The following NEGR1 variants were observed in gnomAD, a reference collection of about 807,000 sequenced individuals.
The protein encoded by NEGR1 is neuronal growth regulator 1.
Under a neutral mutation model 40.9 loss-of-function variants are expected in NEGR1, and 10 were observed. The ratio of observed to expected loss-of-function variants is 0.24; its 90% CI spans 0.15 to 0.42. The LOEUF is 0.42. Ranked by LOEUF, NEGR1 falls within the 10% of genes least tolerant of loss-of-function variation. The probability of loss-of-function intolerance (pLI) is 1.00; values close to 1 mark genes in which losing one functional copy is unlikely to be tolerated. For missense variants in NEGR1, 352 were observed against 438.9 expected (o/e 0.80, Z 1.77); for synonymous variants, 185 against 166.8 (o/e 1.11, Z -0.84).
intron 2 of NEGR1, among the ~76,000 whole-genome samples, chr1:71,802,244 G>T (rs1233170370): frequency 6.6e-6 from 1 of 152,072 alleles, no homozygotes; most frequent in Non-Finnish European, 1.5e-5. Context: ...AAGATTTAGA[G>T]AATTATCAGT....
intron 1 of NEGR1, among the ~76,000 whole-genome samples, chr1:72,205,698 G>A (rs1415940921): frequency 3.7e-5 from 5 of 136,936 alleles, no homozygotes; most frequent in South Asian, 4.6e-4. Context: ...GTGTGCGTGA[G>A]TGGATTGAGC....
chr1:71,645,647 G>A (rs887832238), intron 4 of NEGR1, among the ~76,000 whole-genome samples: 2 of 151,782 alleles, frequency 1.3e-5, no homozygotes, highest in African/African-American at 2.4e-5. Context: ...GAAGCTCTTG[G>A]TAAGATTTAA....
At chr1:71,571,610 C>T (rs937573089) in intron 6 of NEGR1, among the ~76,000 whole-genome samples, 9 of 151,776 alleles carry the variant, frequency 5.9e-5, no homozygotes, top group East Asian at 1.9e-4. Flanking sequence ...GGCAACATGG[C>T]GAAACCACGT....
intron 3 of NEGR1, among the ~76,000 whole-genome samples, chr1:71,737,927 G>A (rs902563045): frequency 1.3e-5 from 2 of 152,104 alleles, no homozygotes; most frequent in Non-Finnish European, 2.9e-5. Context: ...AGTCGGTTTA[G>A]GCAACTGTGT....
At chr1:71,757,017 C>G (rs1655768699) in intron 3 of NEGR1, among the ~76,000 whole-genome samples, 2 of 152,010 alleles carry the variant, frequency 1.3e-5, no homozygotes, top group Admixed American at 6.6e-5. Context: ...GAAGATTACA[C>G]TGAAACAGAG....
chr1:72,093,820 A>C (rs1363921257), intron 1 of NEGR1, among the ~76,000 whole-genome samples: 1 of 152,178 alleles, frequency 6.6e-6, no homozygotes, highest in Admixed American at 6.5e-5. Context: ...TTTGCAATAG[A>C]AAAGGTTAGT....
intron 6 of NEGR1, among the ~76,000 whole-genome samples, chr1:71,577,015 A>G (rs1207841391): frequency 6.6e-6 from 1 of 152,222 alleles, no homozygotes; most frequent in Admixed American, 6.5e-5. Context: ...AAGTTGTTTA[A>G]GTCATTGTTA....
At chr1:71,719,788 C>G (rs756260628) in intron 3 of NEGR1, among the ~76,000 whole-genome samples, 2 of 152,060 alleles carry the variant, frequency 1.3e-5, no homozygotes, top group Non-Finnish European at 2.9e-5. Flanking sequence ...GCCCCCACCC[C>G]CTGGCAGGCC....
intron 2 of NEGR1, among the ~76,000 whole-genome samples, chr1:71,803,268 C>T (rs1657626992): frequency 1.3e-5 from 2 of 152,068 alleles, no homozygotes; most frequent in African/African-American, 4.8e-5. Flanking sequence ...AGGACACAAC[C>T]AGAATGTGGC....
intron 2 of NEGR1, among the ~76,000 whole-genome samples, chr1:71,875,317 T>A (rs1660394511): frequency 6.6e-6 from 1 of 152,202 alleles, no homozygotes; most frequent in South Asian, 2.1e-4. Context: ...TTATTTGCTT[T>A]AATTGTGCTG....
chr1:71,774,760 T>C (rs1304747207), intron 3 of NEGR1, among the ~76,000 whole-genome samples: 1 of 152,104 alleles, frequency 6.6e-6, no homozygotes, highest in African/African-American at 2.4e-5. Context: ...TAAAAGTACA[T>C]CTCTGACTCC....
At position 72,134,564 on chromosome 1, in the gene NEGR1, T is replaced by G. The variant is rs113756271; in HGVS notation, c.176+147755A>C. ...CAATATATAACATTGACATTATATA[T>G]ACAATGGCAATTTCATGCCTAAACC... On this transcript the variant is annotated intron_variant, in intron 1 of 6. Coordinates refer to ENST00000357731, the MANE Select transcript of NEGR1 (RefSeq NM_173808.3). Among the ~76,000 whole-genome samples, 844 of 151,796 alleles carry G rather than the reference T, an allele frequency of 5.6e-3. 11 individuals are homozygous for G. The highest frequency in any genetic ancestry group is 0.019 in the African/African-American group (801 of 41,422).
At chr1:71,970,666 C>A (rs1316682136) in intron 1 of NEGR1, among the ~76,000 whole-genome samples, 1 of 151,772 alleles carries the variant, frequency 6.6e-6, no homozygotes, top group African/African-American at 2.4e-5. Context: ...CCACCCTGGG[C>A]AACAGAGCGA....
In NEGR1 at chr1:71,571,810, T is replaced by A. The variant is rs971486759; in HGVS notation, c.940+21007A>T. 3.0e-4 allele frequency among the ~76,000 whole-genome samples: 32 copies of A among 106,298 alleles called. No homozygotes were observed. In the East Asian group the frequency reaches 5.9e-3, roughly 20 times the overall value. The allele number at this position is 106,298 out of a possible 152,430, so 69.7% of individuals were successfully genotyped here. On this transcript the variant is annotated intron_variant, in intron 6 of 6. Coordinates refer to ENST00000357731, the MANE Select transcript of NEGR1 (RefSeq NM_173808.3). The stretch of plus-strand genomic sequence containing the variant: ...CTCAAAAAAAAAAAAAAAAAAAAAA[T>A]CTGAAATTTGAGCTCATTATGCACA...
chr1:71,837,203 A>G (rs1659067997), intron 2 of NEGR1, among the ~76,000 whole-genome samples: 1 of 152,126 alleles, frequency 6.6e-6, no homozygotes, highest in Non-Finnish European at 1.5e-5. Context: ...AGCTGATAAA[A>G]ATAGTAGAAA....
At chr1:72,032,955 A>C (rs1196248714) in intron 1 of NEGR1, among the ~76,000 whole-genome samples, 1 of 152,170 alleles carries the variant, frequency 6.6e-6, no homozygotes, top group African/African-American at 2.4e-5. Context: ...AGCCTAGCAC[A>C]GAATAATTGC....
intron 3 of NEGR1, among the ~76,000 whole-genome samples, chr1:71,717,279 C>T (rs562341733): frequency 5.3e-4 from 80 of 152,308 alleles, no homozygotes; most frequent in African/African-American, 1.9e-3. Context: ...AACTGGGTAT[C>T]AGAAAATACT....
intron 6 of NEGR1, among the ~76,000 whole-genome samples, chr1:71,457,625 A>G (rs1201203436): frequency 1.3e-5 from 2 of 152,228 alleles, no homozygotes; most frequent in Non-Finnish European, 2.9e-5. Context: ...AAATACTTGG[A>G]CCTGACTTTT....
chr1:71,962,039 T>C (rs1304620427), intron 1 of NEGR1, among the ~76,000 whole-genome samples: 2 of 152,000 alleles, frequency 1.3e-5, no homozygotes, highest in East Asian at 1.9e-4. Context: ...ATGGGGAAAA[T>C]GACCAACAAA....
Sources: allele counts gnomAD v4.1 joint callset (sites outside exome capture counted in the v4.1 genomes callset), GRCh38; gene constraint gnomAD v4.1.1; transcripts MANE v1.5; gene names NCBI Gene and HGNC (gene_info 2026-07-23, HGNC 2026-07-21).